Variants in ZNF384 observed in about 807,000 individuals in gnomAD.
ZNF384 encodes the protein CAG repeat protein 1.
Under a neutral mutation model 65.0 loss-of-function variants are expected in ZNF384, and 20 were observed. That is an observed-to-expected ratio of 0.31 (90% CI 0.22 to 0.45). The LOEUF is 0.45. ZNF384 is among the 20% of genes least tolerant of loss of function. ZNF384 has a pLI of 1.00. For synonymous variants in ZNF384, 310 were observed against 303.9 expected (o/e 1.02, Z -0.21); for missense variants, 549 against 769.4 (o/e 0.71, Z 3.39).
Position 6,672,511 on chromosome 12 carries a change from C to T in ZNF384, c.1026G>A (p.Thr342=), listed in dbSNP as rs74947197. ...GGCACTTGTGGGGCTTGATGGTCTC[C>T]GTGTGCATCTTGGAGTGGATCCTGC... The part of the protein sequence containing the change: ...QHTRIHSKMH[T]ETIKPHKCPH... The change falls in exon 9 of 12, where the codon ACG becomes ACA. Residue 342 remains threonine (T), a synonymous_variant. Transcript: ENST00000683879. This position sits in a 1 kb window ranked among gnomAD's most constrained non-coding sequence, Gnocchi z 4.4. 1.4e-3 allele frequency: 2,183 copies of T among 1,613,754 alleles called. 27 individuals carry two copies. The East Asian group carries it at 0.041, about 30-fold the overall frequency.
rs570395874 is a variant in ZNF384, at chr12:6,687,901, T to C, written c.-6+266A>G. ...ACACAAGGCAACACTATTCAGTGGC[T>C]TCACCTGAGCATTTCATATTTCATT... On this transcript the variant is annotated intron_variant, in intron 2 of 11. Transcript: ENST00000683879. 2.0e-5 allele frequency among the ~76,000 whole-genome samples: 3 copies of C among 152,286 alleles called. No individual in the cohort carries two copies. The highest frequency in any genetic ancestry group is 7.2e-5 in the African/African-American group (3 of 41,556).
At chr12:6,669,935 C>A (rs547156173) in intron 10 of ZNF384, among the ~76,000 whole-genome samples, 3 of 138,572 alleles carry the variant, frequency 2.2e-5, no homozygotes, top group Non-Finnish European at 3.4e-5. Context: ...CACGCACACG[C>A]GCGCGCGCAC....
rs1164624518 is a variant in ZNF384 at position 6,684,609 on chromosome 12, G to C, written c.-6+3558C>G. 2.0e-5 allele frequency among the ~76,000 whole-genome samples: 3 copies of C among 152,160 alleles called. No homozygotes were observed. In the East Asian group the frequency reaches 5.8e-4, roughly 29 times the overall value. Reference sequence around the variant, plus strand: ...ACTGGTGTGTCTGGTCCAAGGACAAGACACTACATATGCGTTACCAGCTTC... The same window carrying C: ...ACTGGTGTGTCTGGTCCAAGGACAACACACTACATATGCGTTACCAGCTTC... On this transcript the variant is annotated intron_variant, in intron 2 of 11. Transcript: ENST00000683879.
Position 6,672,109 on chromosome 12 carries a change from G to A in ZNF384, c.1187+241C>T. 4.2e-6 allele frequency: 2 copies of A among 479,840 alleles called. No homozygotes were observed. The highest frequency in any genetic ancestry group is 7.5e-6 in the Non-Finnish European group (2 of 265,978). The allele number at this position is 479,840 out of a possible 1,614,324, so 29.7% of individuals were successfully genotyped here. A position where few individuals can be genotyped will look rare whatever the true frequency, so the allele number is the denominator to read the frequency against. ...CTCCAGGTACGTGTCTGTCTCCCAT[G>A]GATCAGTGAATATCATATAGTCACT... On this transcript the variant is annotated intron_variant, in intron 9 of 11. Coordinates refer to ENST00000683879, the MANE Select transcript of ZNF384 (RefSeq NM_001385745.1). This position sits in a 1 kb window ranked among gnomAD's most constrained non-coding sequence, Gnocchi z 4.4.
chr12:6,672,538 G>A lies in ZNF384; in HGVS notation c.1005-6C>T, dbSNP rs760055995. ...TGTGCATCTTGGAGTGGATCCTGCC[G>A]GAGAGGAGAGGAGGGAAGGGGGGAG... On this transcript the variant is annotated splice_region_variant and splice_polypyrimidine_tract_variant and intron_variant, in intron 8 of 11. Coordinates refer to ENST00000683879, the MANE Select transcript of ZNF384 (RefSeq NM_001385745.1). The surrounding 1 kb of genome is among the most constrained non-coding windows in gnomAD (Gnocchi z 4.4). 5.1e-5 allele frequency: 82 copies of A among 1,613,124 alleles called. No homozygotes were observed. The highest frequency in any genetic ancestry group is 4.4e-5 in the South Asian group (4 of 91,042).
chr12:6,687,004 G>A (rs1483867834), intron 2 of ZNF384, among the ~76,000 whole-genome samples: 1 of 152,178 alleles, frequency 6.6e-6, no homozygotes, highest in Non-Finnish European at 1.5e-5. Context: ...CACAACTGCA[G>A]AAAGGTTACC....
Position 6,672,537 on chromosome 12 carries a change from CGGAGA to C in ZNF384, c.1005-10_1005-6del. 2 of 1,613,374 alleles carry C rather than the reference CGGAGA, an allele frequency of 1.2e-6. No homozygotes were observed. The highest frequency in any genetic ancestry group is 1.7e-6 in the Non-Finnish European group (2 of 1,179,640). On this transcript the variant is annotated splice_polypyrimidine_tract_variant and splice_region_variant and intron_variant, in intron 8 of 11. Coordinates refer to ENST00000683879, the MANE Select transcript of ZNF384 (RefSeq NM_001385745.1). The surrounding 1 kb of genome is among the most constrained non-coding windows in gnomAD (Gnocchi z 4.4). Reference sequence around the variant, plus strand: ...GTGTGCATCTTGGAGTGGATCCTGCCGGAGAGGAGAGGAGGGAAGGGGGGAGGAGG... The same window carrying C: ...GTGTGCATCTTGGAGTGGATCCTGCCGGAGAGGAGGGAAGGGGGGAGGAGG...
chr12:6,679,595 G>A (rs2037400568), intron 2 of ZNF384, 70 bp from the exon 3 acceptor site: 1 of 1,264,944 alleles, frequency 7.9e-7, no homozygotes, highest in African/African-American at 1.5e-5. Flanking sequence ...TGGAGAAGGG[G>A]AACTGAAGAG....
chr12:6,675,978 G>T (rs958796478), intron 7 of ZNF384, among the ~76,000 whole-genome samples: 1 of 152,126 alleles, frequency 6.6e-6, no homozygotes, highest in East Asian at 1.9e-4. Context: ...ACCCACACAT[G>T]CATCAAAACA....
In ZNF384 at chr12:6,679,589, G is replaced by C. The variant is rs1364153688; in HGVS notation, c.-5-64C>G. 3.0e-6 allele frequency: 4 copies of C among 1,355,334 alleles called. No individual in the cohort carries two copies. The African/African-American group carries it at 4.4e-5, about 15-fold the overall frequency. 84.0% of individuals were successfully genotyped at this position (1,355,334 alleles called of 1,614,324 possible). ...TACTCAGAAAAAGCTAAGCAATGGA[G>C]AAGGGGAACTGAAGAGTTCCTGGTC... On this transcript the variant is annotated intron_variant, in intron 2 of 11. Transcript: ENST00000683879.
intron 10 of ZNF384, among the ~76,000 whole-genome samples, 165 bp downstream of exon 10, chr12:6,670,595 A>C (rs925961064): frequency 2.0e-5 from 3 of 152,210 alleles, no homozygotes; most frequent in African/African-American, 7.2e-5. Flanking sequence ...TTTCAGTTTT[A>C]CAACGTCTAT....
At chr12:6,668,576 A>G (rs1331741180) in intron 11 of ZNF384, among the ~76,000 whole-genome samples, 4 of 152,018 alleles carry the variant, frequency 2.6e-5, no homozygotes, top group Non-Finnish European at 5.9e-5. Flanking sequence ...GGCAACATGC[A>G]CCTGTAATCC....
chr12:6,684,241 G>T (rs569133139), intron 2 of ZNF384, among the ~76,000 whole-genome samples: 2 of 152,168 alleles, frequency 1.3e-5, no homozygotes, highest in Non-Finnish European at 2.9e-5. Context: ...GCACCAAAGG[G>T]CAAGTTAAGG....
chr12:6,666,704 A>G lies in ZNF384; in HGVS notation c.*1010T>C. 1.2e-5 allele frequency: 2 copies of G among 169,572 alleles called. No homozygotes were observed. The highest frequency in any genetic ancestry group is 2.4e-5 in the African/African-American group (1 of 41,924). The allele number at this position is 169,572 out of a possible 1,614,324, so 10.5% of individuals were successfully genotyped here. ...GACAGGGGTGGAGAGAGGGAAAAAA[A>G]GGACAAAAATAAACAAAACATCAAA... is the stretch of plus-strand genomic sequence containing the variant. On this transcript the variant is annotated 3_prime_UTR_variant, in exon 12 of 12. Coordinates refer to ENST00000683879, the MANE Select transcript of ZNF384 (RefSeq NM_001385745.1).
intron 2 of ZNF384, among the ~76,000 whole-genome samples, chr12:6,685,865 A>G (rs1162203371): frequency 2.6e-5 from 4 of 152,102 alleles, no homozygotes; most frequent in African/African-American, 9.7e-5. Flanking sequence ...AAGGAACTAC[A>G]TATTCCTTCT....
intron 10 of ZNF384, 43 bp downstream of exon 10, chr12:6,670,717 A>G (rs780533454): frequency 1.3e-6 from 2 of 1,565,152 alleles, no homozygotes; most frequent in South Asian, 2.2e-5. Context: ...AAATGGCCCC[A>G]TGTCTCAGAC....
intron 2 of ZNF384, among the ~76,000 whole-genome samples, chr12:6,687,104 G>A (rs1408337778): frequency 2.0e-5 from 3 of 152,128 alleles, no homozygotes; most frequent in Non-Finnish European, 2.9e-5. Flanking sequence ...AGGGTCTAAA[G>A]ACATTCAAGA....
At chr12:6,685,500 A>AG (rs1957578754) in intron 2 of ZNF384, among the ~76,000 whole-genome samples, 1 of 149,912 alleles carries the variant, frequency 6.7e-6, no homozygotes, top group Admixed American at 6.6e-5. Context: ...CTGCTGGGCG[A>AG]GGTGGCTCAC....
At chr12:6,679,563 T>C in intron 2 of ZNF384, 38 bp from the exon 3 acceptor site, 1 of 1,548,518 alleles carries the variant, frequency 6.5e-7, no homozygotes, top group African/African-American at 1.4e-5. Flanking sequence ...CACTCAGGAA[T>C]TACTCAGAAA....
Sources: allele counts gnomAD v4.1 joint callset (sites outside exome capture counted in the v4.1 genomes callset), GRCh38; gene constraint gnomAD v4.1.1; non-coding constraint Gnocchi (gnomAD v3.1); transcripts MANE v1.5; gene names NCBI Gene and HGNC (gene_info 2026-07-23, HGNC 2026-07-21).